The following MGST2 variants were observed in gnomAD, a reference collection of about 807,000 sequenced individuals.
MGST2 encodes microsomal glutathione S-transferase 2, also known as glutathione peroxidase MGST2.
In MGST2, 9 loss-of-function variants were observed where a neutral mutation model predicts 16.6. The observed-to-expected ratio is 0.54, with a 90% CI of 0.33 to 0.95. The LOEUF is 0.95. Among genes scored for constraint, MGST2 ranks in the 40% least tolerant of loss-of-function variants. The pLI is 0.03. For synonymous variants in MGST2, 79 were observed against 68.0 expected, an observed-to-expected ratio of 1.16 and a Z score of -0.79; for missense variants, 159 against 175.1, an observed-to-expected ratio of 0.91 and a Z score of 0.52.
the MGST2 span, among the ~76,000 whole-genome samples, chr4:139,752,774 GA>G: frequency 6.6e-6 from 1 of 151,590 alleles, no homozygotes; most frequent in African/African-American, 2.4e-5. Context: ...GATTATAGAA[GA>G]AAAAAAAGCT....
At chr4:139,705,708 C>G (rs143435976), downstream of MGST2, 4 of 152,134 alleles carry the variant, frequency 2.6e-5, no homozygotes, top group Non-Finnish European at 4.4e-5. Flanking sequence ...AGAGAATATT[C>G]TTTCTCTTGG....
intron 2 of MGST2, among the ~76,000 whole-genome samples, chr4:139,693,955 G>A (rs1036097483): frequency 1.3e-5 from 2 of 152,262 alleles, no homozygotes; most frequent in African/African-American, 4.8e-5. Context: ...TTTTCCATAC[G>A]TGCTTCAGGA....
intron 2 of MGST2, among the ~76,000 whole-genome samples, chr4:139,689,824 G>A (rs1401178929): frequency 6.6e-6 from 1 of 152,172 alleles, no homozygotes; most frequent in Non-Finnish European, 1.5e-5. Flanking sequence ...GTTGCATATT[G>A]TGTTCGTTGG....
intron 3 of MGST2, among the ~76,000 whole-genome samples, chr4:139,699,924 T>G (rs1314653162): frequency 6.6e-6 from 1 of 151,942 alleles, no homozygotes; most frequent in African/African-American, 2.4e-5. Context: ...CCCAGCTACT[T>G]GGGAGGCTGA....
chr4:139,703,915 A>C, intron 4 of MGST2, 101 bp from the exon 5 acceptor site: 3 of 1,459,194 alleles, frequency 2.1e-6, no homozygotes, highest in South Asian at 1.2e-5. Context: ...AAAATATAGA[A>C]GTTCTGGACA....
chr4:139,714,942 A>G (rs1473884333), intron 5 of MGST2, among the ~76,000 whole-genome samples: 4 of 152,200 alleles, frequency 2.6e-5, no homozygotes, highest in African/African-American at 9.6e-5. Context: ...TCTGTCACCC[A>G]TAGCCATCAG....
At chr4:139,703,786 A>G (rs1727402735) in intron 4 of MGST2, among the ~76,000 whole-genome samples, 1 of 152,246 alleles carries the variant, frequency 6.6e-6, no homozygotes. Context: ...CCAGAAAGTT[A>G]CCGAGGAAAT....
intron 5 of MGST2, among the ~76,000 whole-genome samples, chr4:139,732,271 T>C (rs1406313565): frequency 6.6e-6 from 1 of 152,234 alleles, no homozygotes; most frequent in African/African-American, 2.4e-5. Flanking sequence ...CTGTCTCTCC[T>C]AGAGAGACCG....
chr4:139,701,184 T>G (rs1020391153), intron 3 of MGST2, among the ~76,000 whole-genome samples: 1 of 152,254 alleles, frequency 6.6e-6, no homozygotes, highest in Non-Finnish European at 1.5e-5. Context: ...TGAGGCAGAC[T>G]GCCTGTCAGA....
At chr4:139,676,310 T>G (rs745833628) in intron 1 of MGST2, among the ~76,000 whole-genome samples, 19 of 152,196 alleles carry the variant, frequency 1.2e-4, no homozygotes, top group Admixed American at 5.9e-4. Flanking sequence ...ACTCACCTGT[T>G]GATGGATACT....
chr4:139,748,274 C>A, the MGST2 span, among the ~76,000 whole-genome samples: 1 of 151,946 alleles, frequency 6.6e-6, no homozygotes, highest in South Asian at 2.1e-4. Context: ...AAGACACTCC[C>A]TAGGCTGGGG....
chr4:139,711,918 T>C (rs1275757780), intron 5 of MGST2, among the ~76,000 whole-genome samples: 1 of 152,116 alleles, frequency 6.6e-6, no homozygotes, highest in African/African-American at 2.4e-5. Context: ...ACTATGAGGG[T>C]CTCTTGCATT....
In MGST2 at chr4:139,735,476, G is replaced by A. The variant is rs187107499; in HGVS notation, c.*49-4736G>A. Among the ~76,000 whole-genome samples the A allele has an allele frequency of 6.6e-6, 1 of 151,892 alleles. No individual in the cohort carries two copies. Among genetic ancestry groups the A allele is most frequent in the South Asian group, 2.1e-4 (1 of 4,796 alleles). The stretch of plus-strand genomic sequence containing the variant: ...GGGGGCAGTGGCGACCTCCGGGGGG[G>A]GAGGGTGGCGGACACCAGACCCCAG... On this transcript the variant is annotated intron_variant, in intron 5 of 5. Coordinates refer to the MGST2 transcript ENST00000616265. This position sits in a 1 kb window ranked among gnomAD's most constrained non-coding sequence, Gnocchi z 5.8.
At chr4:139,739,015 C>A (rs1729062218) in intron 5 of MGST2, among the ~76,000 whole-genome samples, 1 of 152,172 alleles carries the variant, frequency 6.6e-6, no homozygotes, top group South Asian at 2.1e-4. Flanking sequence ...TCCTTCCTGG[C>A]AAGGCTTTTA....
chr4:139,726,316 A>G lies in MGST2; in HGVS notation c.*49-13896A>G, dbSNP rs566425827. Among the ~76,000 whole-genome samples the G allele has an allele frequency of 5.3e-5, 8 of 152,346 alleles. No individual in the cohort carries two copies. The South Asian group carries it at 1.4e-3, about 28-fold the overall frequency. On this transcript the variant is annotated intron_variant, in intron 5 of 5. Transcript: ENST00000616265. ...TAGTATTCCATCATATGAATATACC[A>G]TAATTTATTTACCCATTCTACTAGT...
At chr4:139,747,285 G>A in the MGST2 span, among the ~76,000 whole-genome samples, 1 of 152,202 alleles carries the variant, frequency 6.6e-6, no homozygotes, top group Non-Finnish European at 1.5e-5. Flanking sequence ...GGAGGGAGAA[G>A]AGTGCAGAGC....
intron 5 of MGST2, chr4:139,725,945 T>A: frequency 1.1e-6 from 1 of 869,808 alleles, no homozygotes; most frequent in Non-Finnish European, 1.9e-6. Context: ...AACTAAACTT[T>A]GTGTTGAAGA....
intron 5 of MGST2, among the ~76,000 whole-genome samples, chr4:139,713,695 C>G (rs559083324): frequency 1.3e-5 from 2 of 152,178 alleles, no homozygotes; most frequent in Non-Finnish European, 2.9e-5. Flanking sequence ...TTAACAATGC[C>G]AAGCGGCCAA....
chr4:139,703,473 G>A lies in MGST2; in HGVS notation c.248G>A (p.Gly83Asp). The A allele has an allele frequency of 1.2e-6, 2 of 1,613,664 alleles. No homozygotes were observed. Among genetic ancestry groups the A allele is most frequent in the Non-Finnish European group, 1.7e-6 (2 of 1,179,912 alleles). The change falls in exon 4 of 5, where the codon GGT becomes GAT. Residue 83 changes from glycine (G) to aspartate (D), a missense_variant. Physicochemically the swap from Gly to Asp is moderately conservative, Grantham distance 94. Coordinates refer to ENST00000265498, the MANE Select transcript of MGST2 (RefSeq NM_002413.5). ...CCTATAGTTTTTGCTACTTGTCTGG[G>A]TCTGGTGTACATATATGGCCGTCAC... Reference protein sequence around the residue: ...YFNQVFATCLGLVYIYGRHLY... With the variant: ...YFNQVFATCLDLVYIYGRHLY...
Sources: allele counts gnomAD v4.1 joint callset (sites outside exome capture counted in the v4.1 genomes callset), GRCh38; gene constraint gnomAD v4.1.1; non-coding constraint Gnocchi (gnomAD v3.1); transcripts MANE v1.5; gene names NCBI Gene and HGNC (gene_info 2026-07-23, HGNC 2026-07-21).